EXT1: variants seen among roughly 807,000 people sequenced by gnomAD.
EXT1 encodes the protein exostosin-1.
Under a neutral mutation model 82.5 loss-of-function variants are expected in EXT1, and 20 were observed. The observed-to-expected ratio is 0.24, with a 90% CI of 0.17 to 0.35. The LOEUF (loss-of-function observed/expected upper bound fraction) is 0.35. Among genes scored for constraint, EXT1 ranks in the 10% least tolerant of loss-of-function variants. The pLI, the probability that EXT1 is intolerant of heterozygous loss-of-function variation, is 1.00. For missense variants in EXT1, 757 were observed against 936.5 expected (o/e 0.81, Z 2.50); for synonymous variants, 348 against 350.8 (o/e 0.99, Z 0.09).
rs117376259 is a variant in EXT1, at chr8:118,099,221, A to C, written c.962+10864T>G. The stretch of plus-strand genomic sequence containing the variant: ...CATTCCTGAGGAGGGTGTAGAACAC[A>C]TTCTTGGGCATTGGGCCAGCTGTTC... On this transcript the variant is annotated intron_variant, in intron 1 of 10. Transcript: ENST00000378204. Among the ~76,000 whole-genome samples the C allele has an allele frequency of 3.2e-4, 48 of 152,284 alleles. No homozygotes were observed. In the East Asian group the frequency reaches 6.0e-3, roughly 19 times the overall value.
intron 1 of EXT1, among the ~76,000 whole-genome samples, chr8:117,988,880 TA>T (rs1364669280): frequency 6.6e-6 from 1 of 151,982 alleles, no homozygotes; most frequent in Non-Finnish European, 1.5e-5. Context: ...GGCTCTCCTC[TA>T]AAATCCAGTC....
At chr8:118,016,474 C>T (rs751459896) in intron 1 of EXT1, among the ~76,000 whole-genome samples, 14 of 152,152 alleles carry the variant, frequency 9.2e-5, no homozygotes, top group East Asian at 3.8e-4. Flanking sequence ...TGCAGTAGGA[C>T]GGGGCCAGAG....
intron 3 of EXT1, among the ~76,000 whole-genome samples, chr8:117,832,378 G>T (rs1459938184): frequency 6.6e-6 from 1 of 152,046 alleles, no homozygotes; most frequent in East Asian, 1.9e-4. Context: ...ACAAAAATTA[G>T]CTGGGCATGG....
At chr8:117,913,217 A>AT (rs1813685738) in intron 1 of EXT1, among the ~76,000 whole-genome samples, 2 of 152,104 alleles carry the variant, frequency 1.3e-5, no homozygotes, top group African/African-American at 4.8e-5. Context: ...AAGAGACTCC[A>AT]TTTTTTTTAA....
At chr8:118,069,022 C>T (rs561319505) in intron 1 of EXT1, among the ~76,000 whole-genome samples, 6 of 152,166 alleles carry the variant, frequency 3.9e-5, no homozygotes, top group Non-Finnish European at 5.9e-5. Context: ...ACCTACACCC[C>T]CTTCTAGCAT....
intron 1 of EXT1, among the ~76,000 whole-genome samples, chr8:118,016,129 C>T (rs965094216): frequency 2.6e-5 from 4 of 152,316 alleles, no homozygotes; most frequent in African/African-American, 7.2e-5. Flanking sequence ...TGGTGGCTCA[C>T]GCCTATAATC....
chr8:117,943,713 T>A (rs1814331531), intron 1 of EXT1, among the ~76,000 whole-genome samples: 1 of 152,244 alleles, frequency 6.6e-6, no homozygotes, highest in Admixed American at 6.5e-5. Flanking sequence ...ATATTACATG[T>A]GTAATAATGT....
At chr8:117,877,182 GTT>G (rs1448046260) in intron 1 of EXT1, among the ~76,000 whole-genome samples, 1 of 152,152 alleles carries the variant, frequency 6.6e-6, no homozygotes, top group Non-Finnish European at 1.5e-5. Flanking sequence ...AGACTTTAAT[GTT>G]TGCAAAAACC....
At chr8:117,862,132 A>G (rs536092740) in intron 1 of EXT1, among the ~76,000 whole-genome samples, 5 of 145,956 alleles carry the variant, frequency 3.4e-5, no homozygotes, top group Non-Finnish European at 7.7e-5. Context: ...CCAGCAGGAT[A>G]ATAAAGTGTG....
At chr8:117,930,676 G>C (rs956697848) in intron 1 of EXT1, among the ~76,000 whole-genome samples, 2 of 152,200 alleles carry the variant, frequency 1.3e-5, no homozygotes, top group Non-Finnish European at 2.9e-5. Context: ...ATTTGTCAGA[G>C]GTGTTTGAAC....
chr8:117,819,815 G>C (rs2129741534), intron 5 of EXT1, 21 bp from the exon 6 acceptor site: 4 of 1,602,788 alleles, frequency 2.5e-6, no homozygotes, highest in Non-Finnish European at 3.4e-6. Flanking sequence ...AAGGAGAGTA[G>C]AGCCTAATGA....
intron 1 of EXT1, among the ~76,000 whole-genome samples, chr8:118,010,095 T>C (rs1251522409): frequency 6.6e-6 from 1 of 152,172 alleles, no homozygotes; most frequent in Admixed American, 6.5e-5. Context: ...TGTTAGGACT[T>C]AGAGTTGGCA....
intron 1 of EXT1, among the ~76,000 whole-genome samples, chr8:118,078,622 C>G (rs17506030): frequency 7.3e-5 from 11 of 150,822 alleles, no homozygotes; most frequent in Non-Finnish European, 1.3e-4. Context: ...TAAATACATA[C>G]GTCATCTTTC....
At chr8:117,950,506 T>C (rs1178804055) in intron 1 of EXT1, among the ~76,000 whole-genome samples, 1 of 152,212 alleles carries the variant, frequency 6.6e-6, no homozygotes, top group East Asian at 1.9e-4. Flanking sequence ...TTCCTGTTTA[T>C]GTAAACTCCT....
chr8:117,845,638 G>A (rs544905451), intron 1 of EXT1, among the ~76,000 whole-genome samples: 6 of 151,780 alleles, frequency 4.0e-5, no homozygotes, highest in African/African-American at 1.5e-4. Flanking sequence ...TTATAGAGAC[G>A]AGTCTTGCTA....
intron 1 of EXT1, among the ~76,000 whole-genome samples, chr8:117,863,921 C>T (rs143545401): frequency 2.0e-5 from 3 of 152,234 alleles, no homozygotes; most frequent in Non-Finnish European, 2.9e-5. Context: ...TACCTGGACC[C>T]GATTTTCAAA....
chr8:117,981,730 C>T (rs911759048), intron 1 of EXT1, among the ~76,000 whole-genome samples: 2 of 151,666 alleles, frequency 1.3e-5, no homozygotes, highest in East Asian at 1.9e-4. Flanking sequence ...ATTAGCCAGG[C>T]TTGGTGGCAG....
intron 1 of EXT1, among the ~76,000 whole-genome samples, chr8:118,039,485 G>A (rs1252494393): frequency 1.1e-4 from 17 of 148,490 alleles, no homozygotes; most frequent in African/African-American, 4.0e-4. Flanking sequence ...GCTTGAACCC[G>A]GGAGGCGGAG....
Position 117,947,503 on chromosome 8 carries a change from A to G in EXT1, c.963-110302T>C, listed in dbSNP as rs573504639. Among the ~76,000 whole-genome samples, 14 of 152,326 alleles carry G rather than the reference A, an allele frequency of 9.2e-5. No individual in the cohort carries two copies. The East Asian group carries it at 2.5e-3, about 27-fold the overall frequency. Reference sequence around the variant, plus strand: ...AAGCACAAATCATCACTAAGTTCAGAAACTTTCCAAAAGTTGATGACACTT... The same window carrying G: ...AAGCACAAATCATCACTAAGTTCAGGAACTTTCCAAAAGTTGATGACACTT... On this transcript the variant is annotated intron_variant, in intron 1 of 10. Transcript: ENST00000378204.
Sources: allele counts gnomAD v4.1 joint callset (sites outside exome capture counted in the v4.1 genomes callset), GRCh38; gene constraint gnomAD v4.1.1; transcripts MANE v1.5; gene names NCBI Gene and HGNC (gene_info 2026-07-23, HGNC 2026-07-21).